Variants in PRKAR1B observed in about 807,000 individuals in gnomAD.
PRKAR1B encodes cAMP-dependent protein kinase type I-beta regulatory subunit.
A neutral mutation model predicts 46.5 loss-of-function variants in PRKAR1B; 22 were observed. The observed-to-expected ratio is 0.47, with a 90% CI of 0.34 to 0.68. PRKAR1B has a LOEUF of 0.68. PRKAR1B is among the 30% of genes least tolerant of loss of function. The probability of loss-of-function intolerance (pLI) is 0.01; values close to 1 mark genes in which losing one functional copy is unlikely to be tolerated. For synonymous variants in PRKAR1B, 259 were observed against 217.7 expected, an observed-to-expected ratio of 1.19 and a Z score of -1.67; for missense variants, 445 against 535.6, an observed-to-expected ratio of 0.83 and a Z score of 1.67.
intron 9 of PRKAR1B, among the ~76,000 whole-genome samples, chr7:557,488 G>T (rs1235212644): frequency 6.6e-6 from 1 of 152,220 alleles, no homozygotes; most frequent in Non-Finnish European, 1.5e-5. Flanking sequence ...CCCGTCCTGT[G>T]CCTGCGCACC....
chr7:681,212 G>C (rs1276393845), intron 2 of PRKAR1B, among the ~76,000 whole-genome samples: 1 of 151,652 alleles, frequency 6.6e-6, no homozygotes, highest in Non-Finnish European at 1.5e-5. Context: ...AGTTTCCTGA[G>C]GCCCCCCGAG....
chr7:595,096 G>A (rs1781196269), intron 7 of PRKAR1B, among the ~76,000 whole-genome samples: 1 of 152,178 alleles, frequency 6.6e-6, no homozygotes, highest in Non-Finnish European at 1.5e-5. Flanking sequence ...TGCAGAAGCT[G>A]CGGGTCCTCG....
chr7:599,685 G>C lies in PRKAR1B; in HGVS notation c.550-3381C>G, dbSNP rs1355051926. ...TTCTCTGGCGCCGAGCTCACACCTG[G>C]CTCTGCCCTGCCCCCTGCCCACCTT... On this transcript the variant is annotated intron_variant, in intron 6 of 10. Transcript: ENST00000537384. Among the ~76,000 whole-genome samples the C allele has an allele frequency of 2.6e-5, 4 of 152,256 alleles. No individual in the cohort carries two copies. In the East Asian group the frequency reaches 5.8e-4, roughly 22 times the overall value.
intron 3 of PRKAR1B, among the ~76,000 whole-genome samples, chr7:679,220 G>C (rs1416008029): frequency 6.6e-6 from 1 of 152,130 alleles, no homozygotes; most frequent in Non-Finnish European, 1.5e-5. Context: ...ATCACAACTG[G>C]GGAAGCCATG....
chr7:614,131 C>T (rs1782675350), intron 4 of PRKAR1B, among the ~76,000 whole-genome samples: 2 of 152,256 alleles, frequency 1.3e-5, no homozygotes. Flanking sequence ...CCGACCAGGA[C>T]AGGCCAACGC....
At chr7:630,848 G>T (rs1251368096) in intron 4 of PRKAR1B, among the ~76,000 whole-genome samples, 1 of 152,154 alleles carries the variant, frequency 6.6e-6, no homozygotes, top group Non-Finnish European at 1.5e-5. Flanking sequence ...CCCAGGTGGA[G>T]CAGGGCCCAC....
chr7:687,519 A>G (rs1317925423), intron 2 of PRKAR1B, among the ~76,000 whole-genome samples: 1 of 152,236 alleles, frequency 6.6e-6, no homozygotes, highest in Non-Finnish European at 1.5e-5. Context: ...TCCAGACTGC[A>G]GTACAAAGAC....
chr7:573,965 C>A (rs968263244), intron 9 of PRKAR1B, among the ~76,000 whole-genome samples: 2 of 152,248 alleles, frequency 1.3e-5, no homozygotes, highest in African/African-American at 4.8e-5. Context: ...GCGTGGGGGG[C>A]TCCCAGGACG....
intron 9 of PRKAR1B, among the ~76,000 whole-genome samples, chr7:561,242 C>T (rs1178515787): frequency 6.6e-6 from 1 of 150,914 alleles, no homozygotes; most frequent in South Asian, 2.1e-4. Context: ...GCGCACACAC[C>T]TAGGCACAAA....
At chr7:690,792 A>G (rs1779370311) in intron 2 of PRKAR1B, among the ~76,000 whole-genome samples, 2 of 152,088 alleles carry the variant, frequency 1.3e-5, no homozygotes, top group African/African-American at 2.4e-5. Flanking sequence ...GGGCTGTAAA[A>G]AAAAACAAAA....
chr7:650,242 T>C (rs1047328287), intron 4 of PRKAR1B, among the ~76,000 whole-genome samples: 3 of 152,190 alleles, frequency 2.0e-5, no homozygotes, highest in African/African-American at 7.2e-5. Flanking sequence ...GTGGCCTCAA[T>C]GGCAGTTCTG....
chr7:672,056 G>C (rs1296790748), intron 4 of PRKAR1B, among the ~76,000 whole-genome samples: 1 of 152,124 alleles, frequency 6.6e-6, no homozygotes, highest in African/African-American at 2.4e-5. Flanking sequence ...GACAGCACCC[G>C]TTCCCTACCC....
chr7:615,825 CAA>C (rs71016887), intron 4 of PRKAR1B, among the ~76,000 whole-genome samples: 14 of 94,424 alleles, frequency 1.5e-4, no homozygotes, highest in Non-Finnish European at 1.4e-4. Context: ...AAGACTCCAT[CAA>C]AAAAAAAAAA....
intron 1 of PRKAR1B, chr7:726,526 C>G: frequency 2.5e-6 from 1 of 405,518 alleles, no homozygotes; most frequent in Non-Finnish European, 4.2e-6. Context: ...CAAGGCCCAG[C>G]AGGCAGGCTG....
rs1249372717 is a variant in PRKAR1B at position 592,441 on chromosome 7, C to T, written c.708+3705G>A. Among the ~76,000 whole-genome samples, 6 of 151,198 alleles carry T rather than the reference C, an allele frequency of 4.0e-5. 1 individual carries two copies. Among genetic ancestry groups the T allele is most frequent in the Non-Finnish European group, 8.9e-5 (6 of 67,530 alleles). On this transcript the variant is annotated intron_variant, in intron 7 of 10. Coordinates refer to ENST00000537384, the MANE Select transcript of PRKAR1B (RefSeq NM_001164760.2). The stretch of plus-strand genomic sequence containing the variant: ...CCCCTCCTGGCCCCACTGGCTGTGC[C>T]GAGTCACTCCGGACATCGGTCCCTT...
intron 1 of PRKAR1B, 83 bp downstream of exon 1, chr7:727,127 A>T: frequency 8.5e-7 from 1 of 1,172,278 alleles, no homozygotes; most frequent in Non-Finnish European, 1.1e-6. Flanking sequence ...CGCCCGCCCG[A>T]GGCCTGTGAG....
chr7:588,154 C>A (rs1780705411), intron 7 of PRKAR1B, among the ~76,000 whole-genome samples: 1 of 152,244 alleles, frequency 6.6e-6, no homozygotes, highest in Non-Finnish European at 1.5e-5. Flanking sequence ...GATCAGACGA[C>A]TGAGCCCAGC....
chr7:705,996 A>G (rs986161107), intron 2 of PRKAR1B, among the ~76,000 whole-genome samples: 2 of 152,082 alleles, frequency 1.3e-5, no homozygotes, highest in African/African-American at 4.8e-5. Flanking sequence ...ACTGCTCTCC[A>G]GCCTGGGCAA....
At chr7:599,891 T>A (rs1781495378) in intron 6 of PRKAR1B, among the ~76,000 whole-genome samples, 1 of 144,654 alleles carries the variant, frequency 6.9e-6, no homozygotes, top group African/African-American at 2.6e-5. Context: ...CCCATTCACC[T>A]TCACTCGCTC....
Sources: allele counts gnomAD v4.1 joint callset (sites outside exome capture counted in the v4.1 genomes callset), GRCh38; gene constraint gnomAD v4.1.1; transcripts MANE v1.5; gene names NCBI Gene and HGNC (gene_info 2026-07-23, HGNC 2026-07-21).